Variants in SYT16 observed in about 807,000 individuals in gnomAD.
SYT16 encodes synaptotagmin-16.
A neutral mutation model predicts 61.4 loss-of-function variants in SYT16; 42 were observed. That is an observed-to-expected ratio of 0.68 (90% confidence interval 0.53 to 0.89). SYT16 has a LOEUF of 0.89. SYT16 is among the 40% of genes least tolerant of loss of function. SYT16 has a pLI of 0.00. For missense variants in SYT16, 804 were observed against 807.3 expected (o/e 1.00, Z 0.05); for synonymous variants, 314 against 302.3 (o/e 1.04, Z -0.40).
intron 1 of SYT16, among the ~76,000 whole-genome samples, chr14:61,837,332 G>C (rs1024171127): frequency 6.6e-6 from 1 of 151,456 alleles, no homozygotes; most frequent in Non-Finnish European, 1.5e-5. Flanking sequence ...TGTCTCCTGG[G>C]CTCAAGTGAT....
rs2141033781 is a variant in SYT16 at position 62,106,225 on chromosome 14, C to G, written c.*5518C>G. 1 of 152,330 alleles carries G rather than the reference C, an allele frequency of 6.6e-6. No homozygotes were observed. Among genetic ancestry groups the G allele is most frequent in the East Asian group, 1.9e-4 (1 of 5,194 alleles). 9.4% of individuals were successfully genotyped at this position (152,330 alleles called of 1,614,324 possible). ...GGAGTGCTATGAGTGCACATTGAAGCAGTTGGTCATCATTATACAATGATG... is the reference window on the plus strand; with the variant it reads ...GGAGTGCTATGAGTGCACATTGAAGGAGTTGGTCATCATTATACAATGATG... On this transcript the variant is annotated 3_prime_UTR_variant, in exon 8 of 8. Transcript: ENST00000683842.
intron 1 of SYT16, among the ~76,000 whole-genome samples, chr14:61,824,846 A>G (rs891809229): frequency 1.1e-4 from 16 of 152,124 alleles, no homozygotes; most frequent in African/African-American, 3.4e-4. Flanking sequence ...TTTTACTCTC[A>G]TTTTATTAAG....
chr14:61,998,308 G>GT (rs1247921626), intron 3 of SYT16, among the ~76,000 whole-genome samples: 1 of 151,830 alleles, frequency 6.6e-6, no homozygotes, highest in Non-Finnish European at 1.5e-5. Flanking sequence ...GTATAAAATG[G>GT]TTTTGTTATG....
chr14:61,951,169 A>G lies in SYT16; in HGVS notation c.-324-18963A>G, dbSNP rs184082672. 2.7e-3 allele frequency among the ~76,000 whole-genome samples: 411 copies of G among 152,306 alleles called. 4 individuals are homozygous for G. The highest frequency in any genetic ancestry group is 2.2e-3 in the Non-Finnish European group (152 of 68,032). On this transcript the variant is annotated intron_variant, in intron 1 of 7. Coordinates refer to ENST00000683842, the MANE Select transcript of SYT16 (RefSeq NM_001367656.1). ...CAAACAAATTCTTAGTAACAGGGTG[A>G]ACTTATATCTGTGGACAGGTAACCT...
intron 2 of SYT16, among the ~76,000 whole-genome samples, chr14:61,984,127 A>G (rs796496107): frequency 5.3e-5 from 8 of 152,288 alleles, no homozygotes; most frequent in African/African-American, 1.7e-4. Context: ...AAGGTTTTTT[A>G]AAGGTTTGCA....
chr14:62,081,723 A>T (rs979537703), intron 6 of SYT16, among the ~76,000 whole-genome samples: 1 of 152,118 alleles, frequency 6.6e-6, no homozygotes, highest in Non-Finnish European at 1.5e-5. Context: ...TTGTGTTACT[A>T]CCGTCTTCCC....
chr14:61,857,867 TG>T (rs1203464052), intron 1 of SYT16, among the ~76,000 whole-genome samples: 2 of 151,970 alleles, frequency 1.3e-5, no homozygotes, highest in African/African-American at 4.8e-5. Context: ...AAGGAAAGTT[TG>T]GTCCCTTCTG....
rs2140209304 is a variant in SYT16, at chr14:61,817,862, A to ATGTATGTGTGCATTTATATG, written c.-325+5054_-325+5073dup. ...GGCTTTAGGAAAAAAGGATATATGCATGTATGTGTGCATTTATATGTATAT... is the reference window on the plus strand; with the variant it reads ...GGCTTTAGGAAAAAAGGATATATGCATGTATGTGTGCATTTATATGTGTATGTGTGCATTTATATGTATAT... On this transcript the variant is annotated intron_variant, in intron 1 of 7. Coordinates refer to ENST00000683842, the MANE Select transcript of SYT16 (RefSeq NM_001367656.1). Among the ~76,000 whole-genome samples the ATGTATGTGTGCATTTATATG allele has an allele frequency of 1.3e-5, 2 of 152,346 alleles. 1 individual carries two copies. Among genetic ancestry groups the ATGTATGTGTGCATTTATATG allele is most frequent in the South Asian group, 4.1e-4 (2 of 4,832 alleles).
chr14:61,887,130 G>A (rs2047939626), intron 1 of SYT16, among the ~76,000 whole-genome samples: 1 of 152,172 alleles, frequency 6.6e-6, no homozygotes, highest in Non-Finnish European at 1.5e-5. Flanking sequence ...TAGCAAGCAT[G>A]TAAATAACGT....
rs1433519049 is a variant in SYT16 at position 62,107,582 on chromosome 14, G to C, written c.*6875G>C. 6.6e-6 allele frequency: 1 copy of C among 152,116 alleles called. No individual in the cohort carries two copies. The highest frequency in any genetic ancestry group is 1.9e-4 in the East Asian group (1 of 5,194). The allele number at this position is 152,116 out of a possible 1,614,324, so 9.4% of individuals were successfully genotyped here. On this transcript the variant is annotated 3_prime_UTR_variant, in exon 8 of 8. Coordinates refer to ENST00000683842, the MANE Select transcript of SYT16 (RefSeq NM_001367656.1). ...CTTTTTAAAAACTAGAGTCTGATAA[G>C]AAATCTAGGTAAATAATAAGATCTT...
At chr14:61,856,046 G>A (rs991921766) in intron 1 of SYT16, among the ~76,000 whole-genome samples, 2 of 152,202 alleles carry the variant, frequency 1.3e-5, no homozygotes, top group African/African-American at 2.4e-5. Context: ...GAGGGATGGC[G>A]GGGGGTCAGT....
intron 1 of SYT16, among the ~76,000 whole-genome samples, chr14:61,857,323 G>A (rs555391639): frequency 6.6e-6 from 1 of 152,324 alleles, no homozygotes; most frequent in East Asian, 1.9e-4. Flanking sequence ...AAACCTTGAG[G>A]CTGAAAGCAG....
intron 1 of SYT16, among the ~76,000 whole-genome samples, chr14:61,843,724 G>T (rs1396429542): frequency 6.6e-6 from 1 of 152,038 alleles, no homozygotes; most frequent in Non-Finnish European, 1.5e-5. Flanking sequence ...TAAGTGTGTG[G>T]ATTGTTTCTG....
In SYT16 at chr14:62,101,162, G is replaced by A. The variant is rs552285168; in HGVS notation, c.*455G>A. The A allele has an allele frequency of 6.5e-6, 1 of 153,666 alleles. No individual in the cohort carries two copies. Among genetic ancestry groups the A allele is most frequent in the East Asian group, 1.9e-4 (1 of 5,186 alleles). 9.5% of individuals were successfully genotyped at this position (153,666 alleles called of 1,614,324 possible). A position where few individuals can be genotyped will look rare whatever the true frequency, so the allele number is the denominator to read the frequency against. On this transcript the variant is annotated 3_prime_UTR_variant, in exon 8 of 8. Coordinates refer to ENST00000683842, the MANE Select transcript of SYT16 (RefSeq NM_001367656.1). ...AATATAGATATGAATCAGATGCTGA[G>A]CCTCATAAAAGAATCAAACTCTAAT...
intron 7 of SYT16, among the ~76,000 whole-genome samples, chr14:62,097,618 A>G (rs2141016102): frequency 6.6e-6 from 1 of 152,328 alleles, no homozygotes; most frequent in South Asian, 2.1e-4. Flanking sequence ...AACTAGAACA[A>G]TGAACATTTT....
intron 1 of SYT16, among the ~76,000 whole-genome samples, chr14:61,824,648 G>A (rs116926776): frequency 0.052 from 7,914 of 152,210 alleles, 276 homozygotes; most frequent in Non-Finnish European, 0.073. Flanking sequence ...CACCGTGCCC[G>A]GCTATAATAA....
rs545551572 is a variant in SYT16, at chr14:62,044,909, G to T, written c.524-24694G>T. On this transcript the variant is annotated intron_variant, in intron 3 of 7. Transcript: ENST00000683842. ...AATTCTAGCACTTTGGGAGGCAGAGGTGGGTGGATCACGAGGTCAGGAATT... is the reference window on the plus strand; with the variant it reads ...AATTCTAGCACTTTGGGAGGCAGAGTTGGGTGGATCACGAGGTCAGGAATT... Among the ~76,000 whole-genome samples the T allele has an allele frequency of 3.3e-5, 5 of 152,320 alleles. No individual in the cohort carries two copies. In the South Asian group the frequency reaches 1.0e-3, roughly 32 times the overall value.
At chr14:62,088,104 AC>A (rs2056949173) in intron 7 of SYT16, among the ~76,000 whole-genome samples, 1 of 152,236 alleles carries the variant, frequency 6.6e-6, no homozygotes, top group Non-Finnish European at 1.5e-5. Flanking sequence ...TCTAGCAGTT[AC>A]GTTCTTGGGC....
intron 3 of SYT16, among the ~76,000 whole-genome samples, chr14:62,049,241 T>C (rs1056097842): frequency 6.6e-6 from 1 of 152,218 alleles, no homozygotes; most frequent in Non-Finnish European, 1.5e-5. Context: ...TGGCCTTCTT[T>C]GTCTCTTTTG....
Sources: allele counts gnomAD v4.1 joint callset (sites outside exome capture counted in the v4.1 genomes callset), GRCh38; gene constraint gnomAD v4.1.1; transcripts MANE v1.5; gene names NCBI Gene and HGNC (gene_info 2026-07-23, HGNC 2026-07-21).